Variants in CAMTA1 observed in about 807,000 individuals in gnomAD.
CAMTA1 encodes the protein calmodulin-binding transcription activator 1.
CAMTA1 carries 27 observed loss-of-function variants against 170.9 expected under a neutral mutation model. The ratio of observed to expected loss-of-function variants is 0.16; its 90% CI spans 0.12 to 0.22. The LOEUF (loss-of-function observed/expected upper bound fraction) is 0.22. CAMTA1 is among the 10% of genes least tolerant of loss of function. The pLI is 1.00. For synonymous variants in CAMTA1, 833 were observed against 891.5 expected, an observed-to-expected ratio of 0.93 and a Z score of 1.17; for missense variants, 1,619 against 2,217.2, an observed-to-expected ratio of 0.73 and a Z score of 5.42.
rs76689974 is a variant in CAMTA1 at position 7,540,687 on chromosome 1, T to C, written c.510+72786T>C. ...GACGTATGGGCCTAATTGCTGGCCC[T>C]TCCAGAGTACAAGTGGAAACACGTG... On this transcript the variant is annotated intron_variant, in intron 6 of 22. Coordinates refer to ENST00000303635, the MANE Select transcript of CAMTA1 (RefSeq NM_015215.4). Among the ~76,000 whole-genome samples, 1,496 of 152,128 alleles carry C rather than the reference T, an allele frequency of 9.8e-3. 56 individuals are homozygous for C. The East Asian group carries it at 0.14, about 15-fold the overall frequency.
intron 5 of CAMTA1, among the ~76,000 whole-genome samples, chr1:7,263,479 C>G (rs1415314018): frequency 1.3e-5 from 2 of 152,162 alleles, no homozygotes; most frequent in Non-Finnish European, 2.9e-5. Flanking sequence ...GAATGCAGAA[C>G]ATTTTTGGGT....
intron 11 of CAMTA1, among the ~76,000 whole-genome samples, chr1:7,708,646 T>C (rs1340597205): frequency 6.6e-6 from 1 of 152,240 alleles, no homozygotes; most frequent in African/African-American, 2.4e-5. Flanking sequence ...TATTGTCTTA[T>C]AAACATTGAA....
At chr1:7,366,679 G>A (rs535344738) in intron 5 of CAMTA1, among the ~76,000 whole-genome samples, 2 of 152,308 alleles carry the variant, frequency 1.3e-5, no homozygotes, top group Admixed American at 6.5e-5. Context: ...CAGTCAAGTC[G>A]GCTCCTCGGT....
intron 3 of CAMTA1, among the ~76,000 whole-genome samples, chr1:6,867,496 T>C (rs1300892481): frequency 6.6e-6 from 1 of 152,188 alleles, no homozygotes; most frequent in Non-Finnish European, 1.5e-5. Context: ...AGATGGTGCC[T>C]GCTGGCAGGA....
chr1:6,908,069 C>G (rs1557805949), intron 3 of CAMTA1, among the ~76,000 whole-genome samples: 1 of 152,220 alleles, frequency 6.6e-6, no homozygotes, highest in South Asian at 2.1e-4. Flanking sequence ...AAGTTGCTGT[C>G]CCTTCTGCCT....
intron 5 of CAMTA1, among the ~76,000 whole-genome samples, chr1:7,400,295 A>C (rs1036328095): frequency 6.6e-6 from 1 of 152,144 alleles, no homozygotes; most frequent in Non-Finnish European, 1.5e-5. Context: ...TATTCATTGA[A>C]TTCTTCAGCT....
chr1:7,347,001 C>T (rs2084270751), intron 5 of CAMTA1, among the ~76,000 whole-genome samples: 1 of 152,194 alleles, frequency 6.6e-6, no homozygotes, highest in Non-Finnish European at 1.5e-5. Flanking sequence ...GGTGACCTGT[C>T]CCATATGCCT....
intron 5 of CAMTA1, among the ~76,000 whole-genome samples, chr1:7,438,465 AC>A (rs2092417356): frequency 6.6e-6 from 1 of 152,102 alleles, no homozygotes; most frequent in Non-Finnish European, 1.5e-5. Flanking sequence ...GGCTGGAGAG[AC>A]TGGGATCCCC....
intron 1 of CAMTA1, among the ~76,000 whole-genome samples, chr1:6,796,132 CTTTTTTTTTTTTTT>C (rs978363793): frequency 1.3e-3 from 94 of 70,962 alleles, no homozygotes; most frequent in African/African-American, 4.7e-3. Context: ...AATAGCATTT[CTTTTTTTTTTTTTT>C]TTTTTTTTTT....
At chr1:7,099,135 A>C (rs1012788649) in intron 4 of CAMTA1, among the ~76,000 whole-genome samples, 7 of 148,340 alleles carry the variant, frequency 4.7e-5, no homozygotes, top group Admixed American at 2.0e-4. Flanking sequence ...TGCAACCTCC[A>C]CCTCCCAGGT....
intron 3 of CAMTA1, among the ~76,000 whole-genome samples, chr1:6,841,549 G>A (rs1655710773): frequency 2.0e-5 from 3 of 152,136 alleles, no homozygotes. Context: ...GGACGTGGAG[G>A]CTACACATCT....
At chr1:7,704,978 C>A (rs1422795277) in intron 11 of CAMTA1, among the ~76,000 whole-genome samples, 1 of 3,926 alleles carries the variant, frequency 2.5e-4, no homozygotes, top group Non-Finnish European at 6.0e-4. Context: ...GGGGCGGGGG[C>A]GGGGCCGGGG....
At chr1:6,922,782 C>G (rs1294455746) in intron 3 of CAMTA1, among the ~76,000 whole-genome samples, 1 of 152,154 alleles carries the variant, frequency 6.6e-6, no homozygotes, top group African/African-American at 2.4e-5. Flanking sequence ...GATTTGCAGA[C>G]ATGTTTTAAA....
At chr1:7,573,877 G>A (rs1157158764) in intron 6 of CAMTA1, among the ~76,000 whole-genome samples, 4 of 152,122 alleles carry the variant, frequency 2.6e-5, no homozygotes, top group East Asian at 1.9e-4. Context: ...GGGTTCAAGC[G>A]ATTCTCCTGC....
intron 19 of CAMTA1, among the ~76,000 whole-genome samples, chr1:7,749,176 T>C (rs2096877839): frequency 6.6e-6 from 1 of 152,216 alleles, no homozygotes; most frequent in Admixed American, 6.5e-5. Flanking sequence ...ATTTAAGGAA[T>C]AATAAATTCT....
chr1:7,441,208 G>A (rs556138765), intron 5 of CAMTA1: 30 of 152,326 alleles, frequency 2.0e-4, no homozygotes, highest in African/African-American at 7.2e-4. Flanking sequence ...AAAACATGGT[G>A]TAATATTGAA....
chr1:7,508,541 C>T (rs2094154840), intron 6 of CAMTA1, among the ~76,000 whole-genome samples: 1 of 152,232 alleles, frequency 6.6e-6, no homozygotes. Context: ...CCTCCCTGCT[C>T]ACCCTGAGTT....
intron 3 of CAMTA1, among the ~76,000 whole-genome samples, chr1:6,946,683 T>A (rs1687625634): frequency 6.6e-6 from 1 of 152,232 alleles, no homozygotes; most frequent in Non-Finnish European, 1.5e-5. Flanking sequence ...ATCATTGTGT[T>A]GTGAGAGTTC....
At chr1:7,625,585 G>T (rs1475190897) in intron 6 of CAMTA1, among the ~76,000 whole-genome samples, 2 of 152,282 alleles carry the variant, frequency 1.3e-5, no homozygotes, top group Non-Finnish European at 2.9e-5. Flanking sequence ...TTCAGCATCT[G>T]CCAGGAGAGG....
Sources: gnomAD v4.1 joint callset for allele counts (sites outside exome capture counted in the v4.1 genomes callset) on GRCh38, gnomAD v4.1.1 for gene constraint, MANE v1.5 for transcripts, NCBI Gene and HGNC (gene_info 2026-07-23, HGNC 2026-07-21) for gene names.